MUC12: variants seen among roughly 807,000 people sequenced by gnomAD.
MUC12 encodes the protein mucin-12.
Under a neutral mutation model 230.8 loss-of-function variants are expected in MUC12, and 172 were observed. That is an observed-to-expected ratio of 0.75 (90% CI 0.66 to 0.85). MUC12 has a LOEUF of 0.85. Among genes scored for constraint, MUC12 ranks in the 40% least tolerant of loss-of-function variants. The probability of loss-of-function intolerance (pLI) is 0.00; values close to 1 mark genes in which losing one functional copy is unlikely to be tolerated. For synonymous variants in MUC12, 1,259 were observed against 2,401.9 expected, an observed-to-expected ratio of 0.52 and a Z score of 13.91; for missense variants, 3,506 against 5,920.6, an observed-to-expected ratio of 0.59 and a Z score of 13.38.
At chr7:101,011,136 A>T (rs995659958) in intron 5 of MUC12, among the ~76,000 whole-genome samples, 2 of 152,090 alleles carry the variant, frequency 1.3e-5, no homozygotes, top group Admixed American at 6.5e-5. Context: ...CCAGTGGAGA[A>T]TGGAAAGAGG....
intron 8 of MUC12, 140 bp from the exon 9 acceptor site, chr7:101,013,773 C>CTT (rs1302510047): frequency 1.9e-6 from 2 of 1,031,492 alleles, no homozygotes; most frequent in African/African-American, 3.3e-5. Flanking sequence ...AAGTCAGGGA[C>CTT]CCAGGCTCTC....
At chr7:100,970,084 ACATGCTG>A (rs1207518324) in intron 1 of MUC12, among the ~76,000 whole-genome samples, 3 of 152,308 alleles carry the variant, frequency 2.0e-5, no homozygotes, top group Non-Finnish European at 2.9e-5. Context: ...GAGGCACTGC[ACATGCTG>A]CTAGCCCTGG....
At chr7:100,973,478 G>A (rs1792955177) in intron 1 of MUC12, among the ~76,000 whole-genome samples, 1 of 135,866 alleles carries the variant, frequency 7.4e-6, no homozygotes, top group Non-Finnish European at 1.6e-5. Context: ...TGCTCACCAC[G>A]AACTAAATCA....
Position 100,992,970 on chromosome 7 carries a change from G to A in MUC12, c.2407G>A (p.Gly803Ser), listed in dbSNP as rs1199982618. The change falls in exon 2 of 12, where the codon GGC (glycine) becomes AGC (serine). Residue 803 changes from glycine (G) to serine (S), a missense_variant. By Grantham distance (56) the Gly-to-Ser change is moderately conservative. Transcript: ENST00000536621. The stretch of plus-strand genomic sequence containing the variant: ...ATCTACGACCTCACCCATCAGTTCA[G>A]GCTCAATGGAAACGACAGCGTTACC... The part of the protein sequence containing the change: ...GESTTSPISS[G>S]SMETTALPGS... The A allele has an allele frequency of 3.9e-6, 6 of 1,537,316 alleles. No individual in the cohort carries two copies. Among genetic ancestry groups the A allele is most frequent in the Non-Finnish European group, 5.2e-6 (6 of 1,147,028 alleles).
intron 10 of MUC12, among the ~76,000 whole-genome samples, chr7:101,016,286 T>TG (rs1334498852): frequency 6.7e-6 from 1 of 150,330 alleles, no homozygotes; most frequent in Admixed American, 6.6e-5. Context: ...GGGAATGGGG[T>TG]GGGGGGTTGA....
intron 1 of MUC12, 42 bp downstream of exon 1, chr7:100,969,731 G>C: frequency 6.5e-7 from 1 of 1,537,234 alleles, no homozygotes; most frequent in Non-Finnish European, 8.7e-7. Flanking sequence ...AGTGCTCCTG[G>C]GTGGTAATAG....
intron 3 of MUC12, among the ~76,000 whole-genome samples, chr7:101,008,375 G>T (rs948987203): frequency 6.6e-6 from 1 of 152,072 alleles, no homozygotes; most frequent in East Asian, 1.9e-4. Flanking sequence ...GGGATTACAG[G>T]TGTGAGCCAC....
At chr7:101,010,076 T>C (rs1323702953) in intron 5 of MUC12, among the ~76,000 whole-genome samples, 2 of 151,626 alleles carry the variant, frequency 1.3e-5, no homozygotes, top group African/African-American at 4.9e-5. Flanking sequence ...ACAGGTCCAG[T>C]GTGAAAGGTC....
chr7:101,006,258 A>G (rs1793748129), intron 2 of MUC12, among the ~76,000 whole-genome samples: 1 of 151,846 alleles, frequency 6.6e-6, no homozygotes, highest in African/African-American at 2.4e-5. Flanking sequence ...GACCTCTTGT[A>G]TCTTTTGTTT....
Position 101,018,580 on chromosome 7 carries a change from TCTCCCGTCCCCCAG to T in MUC12, c.15967-10_15970del. On this transcript the variant is annotated splice_acceptor_variant and splice_polypyrimidine_tract_variant and intron_variant, in intron 11 of 11. Coordinates refer to ENST00000536621, the MANE Select transcript of MUC12 (RefSeq NM_001164462.2). LOFTEE classifies it high-confidence loss of function. ...GTCTGCCCCTTGGCCTCACCTCTTC[TCTCCCGTCCCCCAG>T]CTCCACATCCAGAGGCCGGAGATGG... is the stretch of plus-strand genomic sequence containing the variant. The T allele has an allele frequency of 6.5e-7, 1 of 1,534,706 alleles. No homozygotes were observed.
chr7:101,011,959 T>A (rs1423214032), intron 5 of MUC12, among the ~76,000 whole-genome samples: 1 of 152,186 alleles, frequency 6.6e-6, no homozygotes, highest in Non-Finnish European at 1.5e-5. Flanking sequence ...TTTGAGGAGC[T>A]CCATACTGTT....
rs1793952725 is a variant in MUC12, at chr7:101,017,618, C to A, written c.15921C>A (p.Tyr5307Ter). The A allele has an allele frequency of 1.3e-6, 2 of 1,536,134 alleles. No homozygotes were observed. The highest frequency in any genetic ancestry group is 1.7e-6 in the Non-Finnish European group (2 of 1,146,184). ...RESRFGLENA[Y>*]NNFRPTLETV... is the part of the protein sequence containing the mutation. ...GCAGATTCGGCCTTGAGAACGCCTACAACAACTTCCGGCCCACCCTGGAGA... is the reference window on the plus strand; with the variant it reads ...GCAGATTCGGCCTTGAGAACGCCTAAAACAACTTCCGGCCCACCCTGGAGA... Residue 5307 changes from tyrosine (Y) to a stop codon, truncating the protein, a stop_gained, in exon 11 of 12, where the codon TAC becomes TAA. Coordinates refer to ENST00000536621, the MANE Select transcript of MUC12 (RefSeq NM_001164462.2). LOFTEE classifies it low-confidence loss of function (END_TRUNC).
In MUC12 at chr7:100,992,220, C is replaced by A; in HGVS notation, c.1657C>A (p.His553Asn). 2 of 1,537,308 alleles carry A rather than the reference C, an allele frequency of 1.3e-6. No individual in the cohort carries two copies. The highest frequency in any genetic ancestry group is 1.7e-6 in the Non-Finnish European group (2 of 1,146,570). ...CCTCAGTCAGGAATCTACAGCTTCC[C>A]ACAGCAGCCCAGGCCCCACAGACAC... Reference protein sequence around the residue: ...PGLSQESTASHSSPGPTDTTL... With the variant: ...PGLSQESTASNSSPGPTDTTL... Residue 553 changes from histidine to asparagine, a missense_variant, in exon 2 of 12, where the codon CAC becomes AAC. Coordinates refer to ENST00000536621, the MANE Select transcript of MUC12 (RefSeq NM_001164462.2).
rs933715413 is a variant in MUC12 at position 101,004,632 on chromosome 7, C to G, written c.14069C>G (p.Pro4690Arg). The G allele has an allele frequency of 2.6e-6, 4 of 1,537,456 alleles. No homozygotes were observed. The highest frequency in any genetic ancestry group is 2.0e-5 in the Admixed American group (1 of 50,998). ...GAATCAACAGCATCCCACAGCAGCC[C>G]AGATACAAATGGAATCACACCCTTA... ...SEESTASHSS[P>R]DTNGITPLPA... Residue 4690 changes from proline to arginine, a missense_variant, in exon 2 of 12, where the codon CCA becomes CGA. Coordinates refer to ENST00000536621, the MANE Select transcript of MUC12 (RefSeq NM_001164462.2).
chr7:101,013,157 A>G lies in MUC12; in HGVS notation c.15638+15A>G. The G allele has an allele frequency of 1.3e-6, 2 of 1,537,024 alleles. No homozygotes were observed. Among genetic ancestry groups the G allele is most frequent in the South Asian group, 2.4e-5 (2 of 84,044 alleles). Reference sequence around the variant, plus strand: ...CCCCGCTGCCTGTGAGTGTCCCCATAAGCCCAGCACCCACTCTGTCCTGGT... The same window carrying G: ...CCCCGCTGCCTGTGAGTGTCCCCATGAGCCCAGCACCCACTCTGTCCTGGT... On this transcript the variant is annotated intron_variant, in intron 8 of 11. Coordinates refer to ENST00000536621, the MANE Select transcript of MUC12 (RefSeq NM_001164462.2).
intron 7 of MUC12, 37 bp downstream of exon 7, chr7:101,012,927 G>A (rs1793859475): frequency 2.0e-6 from 3 of 1,537,154 alleles, no homozygotes; most frequent in Non-Finnish European, 2.6e-6. Context: ...CTAAGAGTGG[G>A]GGCTGGGATG....
rs186776282 is a variant in MUC12 at position 100,986,593 on chromosome 7, G to A, written c.68-4038G>A. ...AGTGCTCTGTCTACCCCTGCACCCC[G>A]GCCTTCCGTCTTGGTCCAGCTCCTA... On this transcript the variant is annotated intron_variant, in intron 1 of 11. Coordinates refer to ENST00000536621, the MANE Select transcript of MUC12 (RefSeq NM_001164462.2). 5.9e-5 allele frequency among the ~76,000 whole-genome samples: 9 copies of A among 152,194 alleles called. No homozygotes were observed. The East Asian group carries it at 1.4e-3, about 23-fold the overall frequency.
In MUC12 at chr7:100,969,691, T is replaced by C; in HGVS notation, c.67+2T>C. The C allele has an allele frequency of 6.5e-7, 1 of 1,537,084 alleles. No homozygotes were observed. Reference sequence around the variant, plus strand: ...CGTCCGTTACTACAGTGACACCAGGTGAGTGCTCCTGGGCTGATGCTCCAG... The same window carrying C: ...CGTCCGTTACTACAGTGACACCAGGCGAGTGCTCCTGGGCTGATGCTCCAG... On this transcript the variant is annotated splice_donor_variant, in intron 1 of 11. Transcript: ENST00000536621. LOFTEE classifies it high-confidence loss of function.
chr7:100,985,292 G>A (rs866680195), intron 1 of MUC12, among the ~76,000 whole-genome samples: 5 of 152,250 alleles, frequency 3.3e-5, no homozygotes, highest in South Asian at 4.2e-4. Flanking sequence ...CTGGGTGGGG[G>A]CCACAAGATC....
Sources: allele counts gnomAD v4.1 joint callset (sites outside exome capture counted in the v4.1 genomes callset), GRCh38; gene constraint gnomAD v4.1.1; transcripts MANE v1.5; gene names NCBI Gene and HGNC (gene_info 2026-07-23, HGNC 2026-07-21).